Variants in SMARCA2 observed in about 807,000 individuals in gnomAD.
SMARCA2 encodes the protein SWI/SNF related BAF chromatin remodeling complex subunit ATPase 2, also known as SWI/SNF-related matrix-associated actin-dependent regulator of chromatin subfamily A member 2.
SMARCA2 carries 61 observed loss-of-function variants against 199.8 expected under a neutral mutation model. That is an observed-to-expected ratio of 0.31 (90% CI 0.25 to 0.38). SMARCA2 has a LOEUF of 0.38. SMARCA2 is among the 10% of genes least tolerant of loss of function. SMARCA2 has a pLI of 1.00. For missense variants in SMARCA2, 1,344 were observed against 2,012.2 expected (o/e 0.67, Z 6.35); for synonymous variants, 935 against 732.0 (o/e 1.28, Z -4.48).
intron 29 of SMARCA2, among the ~76,000 whole-genome samples, chr9:2,174,243 C>T (rs897893717): frequency 2.0e-5 from 3 of 152,136 alleles, no homozygotes; most frequent in Non-Finnish European, 4.4e-5. Flanking sequence ...GGAGGCTCAG[C>T]TGGAAATAAC....
intron 22 of SMARCA2, among the ~76,000 whole-genome samples, chr9:2,103,259 C>T (rs565264757): frequency 6.6e-6 from 1 of 152,274 alleles, no homozygotes; most frequent in Admixed American, 6.5e-5. Flanking sequence ...AGCGTAGCCT[C>T]TGTAACATGA....
At chr9:2,067,825 A>T (rs781677468) in intron 9 of SMARCA2, among the ~76,000 whole-genome samples, 12 of 152,244 alleles carry the variant, frequency 7.9e-5, no homozygotes, top group Non-Finnish European at 1.5e-4. Flanking sequence ...TAAGTAATGG[A>T]AGGGCCTGAC....
chr9:2,168,968 C>T (rs1316090754), intron 28 of SMARCA2, among the ~76,000 whole-genome samples: 3 of 151,876 alleles, frequency 2.0e-5, no homozygotes, highest in Non-Finnish European at 2.9e-5. Flanking sequence ...TTGTTGTTTT[C>T]AGGTTTTCCT....
At chr9:2,030,887 T>G (rs1819035022) in intron 2 of SMARCA2, among the ~76,000 whole-genome samples, 1 of 152,004 alleles carries the variant, frequency 6.6e-6, no homozygotes, top group Admixed American at 6.5e-5. Flanking sequence ...GGAAGATCCT[T>G]TTGTTAAAAG....
chr9:2,173,701 A>G (rs1029139845), intron 29 of SMARCA2, among the ~76,000 whole-genome samples: 1 of 151,394 alleles, frequency 6.6e-6, no homozygotes, highest in African/African-American at 2.4e-5. Context: ...TAGCCTTCCT[A>G]CTCCTTCTTG....
intron 32 of SMARCA2, among the ~76,000 whole-genome samples, chr9:2,190,378 G>C (rs985041914): frequency 6.6e-6 from 1 of 152,152 alleles, no homozygotes; most frequent in African/African-American, 2.4e-5. Flanking sequence ...CATCATATGA[G>C]ACTGATTAAA....
chr9:2,107,606 CCA>C (rs1215402708), intron 23 of SMARCA2, among the ~76,000 whole-genome samples: 2 of 152,212 alleles, frequency 1.3e-5, no homozygotes, highest in African/African-American at 4.8e-5. Context: ...GTGTGAGCCA[CCA>C]TGCCTGGCCT....
intron 2 of SMARCA2, among the ~76,000 whole-genome samples, chr9:2,030,993 C>A (rs1021125810): frequency 3.9e-5 from 6 of 152,292 alleles, no homozygotes; most frequent in African/African-American, 1.4e-4. Context: ...CTTACCTTCA[C>A]CCCAAGTAAC....
At chr9:2,088,025 ATCAAC>A (rs1327607184) in intron 18 of SMARCA2, among the ~76,000 whole-genome samples, 1 of 152,242 alleles carries the variant, frequency 6.6e-6, no homozygotes, top group East Asian at 1.9e-4. Flanking sequence ...CATAAACTGG[ATCAAC>A]TCTTGTTCCT....
At chr9:2,173,503 C>T (rs1395546127) in intron 29 of SMARCA2, among the ~76,000 whole-genome samples, 1 of 152,190 alleles carries the variant, frequency 6.6e-6, no homozygotes, top group African/African-American at 2.4e-5. Flanking sequence ...CAATTAGATA[C>T]ACTTCTGGGA....
intron 27 of SMARCA2, among the ~76,000 whole-genome samples, chr9:2,141,887 G>A (rs1824477108): frequency 6.6e-6 from 1 of 152,178 alleles, no homozygotes; most frequent in Non-Finnish European, 1.5e-5. Context: ...TTGAAAAGGT[G>A]CAGGAGCGCG....
chr9:2,170,456 G>A lies in SMARCA2; in HGVS notation c.4237G>A (p.Glu1413Lys). Reference protein sequence around the residue: ...VEKVPSNSQLEIEGNSSGRQL... With the variant: ...VEKVPSNSQLKIEGNSSGRQL... The stretch of plus-strand genomic sequence containing the variant: ...GAAGGTGCCCAGTAATTCTCAGTTG[G>A]AAATAGAAGGAAACAGGTCAGGATC... The change falls in exon 29 of 34, where the codon GAA becomes AAA. Residue 1413 changes from glutamate (E) to lysine (K), a missense_variant. This residue lies in a region of SMARCA2 where 151 missense variants were observed against 154.0 expected (regional missense o/e 0.98). Coordinates refer to ENST00000349721, the MANE Select transcript of SMARCA2 (RefSeq NM_003070.5). The surrounding 1 kb of genome is among the most constrained non-coding windows in gnomAD (Gnocchi z 4.7). 6.2e-7 allele frequency: 1 copy of A among 1,614,120 alleles called. No individual in the cohort carries two copies. Among genetic ancestry groups the A allele is most frequent in the Non-Finnish European group, 8.5e-7 (1 of 1,179,982 alleles).
chr9:2,180,432 A>G (rs1052896351), intron 29 of SMARCA2, among the ~76,000 whole-genome samples: 1 of 152,176 alleles, frequency 6.6e-6, no homozygotes, highest in Non-Finnish European at 1.5e-5. Context: ...TAATTATACA[A>G]CTGGGACTGT....
chr9:2,111,627 C>T (rs753307189), intron 24 of SMARCA2, among the ~76,000 whole-genome samples: 12 of 152,020 alleles, frequency 7.9e-5, no homozygotes, highest in Non-Finnish European at 1.8e-4. Flanking sequence ...CACTGGGTTG[C>T]GAAGACTGAG....
intron 21 of SMARCA2, among the ~76,000 whole-genome samples, chr9:2,097,843 G>A (rs2275417): frequency 0.12 from 18,899 of 152,132 alleles, 1,425 homozygotes; most frequent in East Asian, 0.34. Context: ...AAAGAATGCC[G>A]TGAAAAATAT....
intron 27 of SMARCA2, among the ~76,000 whole-genome samples, chr9:2,138,149 C>T (rs551182050): frequency 6.6e-6 from 1 of 150,908 alleles, no homozygotes; most frequent in South Asian, 2.1e-4. Context: ...TAGCTTGAGC[C>T]TTCTAATTTC....
chr9:2,168,479 C>G (rs1826055302), intron 28 of SMARCA2, among the ~76,000 whole-genome samples: 1 of 152,194 alleles, frequency 6.6e-6, no homozygotes, highest in African/African-American at 2.4e-5. Context: ...ATAATCAGCC[C>G]ATTCTCCAGA....
intron 27 of SMARCA2, among the ~76,000 whole-genome samples, chr9:2,140,695 GAGA>G (rs1824418798): frequency 6.6e-6 from 1 of 152,152 alleles, no homozygotes; most frequent in South Asian, 2.1e-4. Flanking sequence ...TCCAAGGTTG[GAGA>G]AGGAGCCAAG....
chr9:2,062,808 AAG>A (rs1820662133), intron 9 of SMARCA2, among the ~76,000 whole-genome samples: 1 of 152,130 alleles, frequency 6.6e-6, no homozygotes, highest in African/African-American at 2.4e-5. Context: ...GAGAGAGAAA[AAG>A]AGAGGCTAGA....
Sources: allele counts gnomAD v4.1 joint callset (sites outside exome capture counted in the v4.1 genomes callset), GRCh38; gene constraint gnomAD v4.1.1; regional missense constraint gnomAD v4.1.1; non-coding constraint Gnocchi (gnomAD v3.1); transcripts MANE v1.5; gene names NCBI Gene and HGNC (gene_info 2026-07-23, HGNC 2026-07-21).